The following INSR variants were observed in gnomAD, a reference collection of about 807,000 sequenced individuals.
The protein encoded by INSR is insulin receptor, also known as IR.
In INSR, 67 loss-of-function variants were observed where a neutral mutation model predicts 142.6. That is an observed-to-expected ratio of 0.47 (90% confidence interval 0.39 to 0.58). The LOEUF (loss-of-function observed/expected upper bound fraction) is 0.58. Among genes scored for constraint, INSR ranks in the 20% least tolerant of loss-of-function variants. The pLI is 0.00. For missense variants in INSR, 1,248 were observed against 1,833.2 expected (o/e 0.68, Z 5.83); for synonymous variants, 756 against 743.1 (o/e 1.02, Z -0.28).
chr19:7,215,136 G>A (rs1975394912), intron 2 of INSR, among the ~76,000 whole-genome samples: 1 of 151,766 alleles, frequency 6.6e-6, no homozygotes, highest in African/African-American at 2.4e-5. Flanking sequence ...TTTATTTTTT[G>A]TAGACAAAGG....
Position 7,267,971 on chromosome 19 carries a change from G to T in INSR, c.101-75C>A. 7.7e-7 allele frequency: 1 copy of T among 1,296,976 alleles called. No homozygotes were observed. Among genetic ancestry groups the T allele is most frequent in the Non-Finnish European group, 1.1e-6 (1 of 911,886 alleles). 80.3% of individuals were successfully genotyped at this position (1,296,976 alleles called of 1,614,324 possible). A position where few individuals can be genotyped will look rare whatever the true frequency, so the allele number is the denominator to read the frequency against. On this transcript the variant is annotated intron_variant, in intron 1 of 21. Coordinates refer to ENST00000302850, the MANE Select transcript of INSR (RefSeq NM_000208.4). The surrounding 1 kb of genome is among the most constrained non-coding windows in gnomAD (Gnocchi z 6.3). ...GGATGCATCAGAAGGATCAGGGGCA[G>T]AGCCGGCTTCATGGACAGGAAACCT... is the stretch of plus-strand genomic sequence containing the variant.
intron 2 of INSR, among the ~76,000 whole-genome samples, chr19:7,230,356 G>T (rs952810602): frequency 4.6e-5 from 7 of 152,152 alleles, no homozygotes; most frequent in African/African-American, 1.7e-4. Flanking sequence ...GTAGCAGCTG[G>T]ATCACTTTGA....
intron 16 of INSR, among the ~76,000 whole-genome samples, chr19:7,126,059 G>C (rs1972638190): frequency 6.6e-6 from 1 of 152,082 alleles, no homozygotes; most frequent in Admixed American, 6.6e-5. Context: ...TGTTGCCCTG[G>C]AGCTTGCCCT....
At chr19:7,142,435 C>G (rs1973093983) in intron 12 of INSR, among the ~76,000 whole-genome samples, 1 of 142,808 alleles carries the variant, frequency 7.0e-6, no homozygotes, top group Admixed American at 7.2e-5. Context: ...GTGCTCATGC[C>G]TGTAATCCCA....
In INSR at chr19:7,150,449, C is replaced by T. The variant is rs374840462; in HGVS notation, c.2267+48G>A. On this transcript the variant is annotated intron_variant, in intron 11 of 21. Coordinates refer to ENST00000302850, the MANE Select transcript of INSR (RefSeq NM_000208.4). This position sits in a 1 kb window ranked among gnomAD's most constrained non-coding sequence, Gnocchi z 4.2. ...TCCGAGGCATCTGCCTGGCACGCCG[C>T]CGGCCCTGCGCGGAGCAGGCACCAG... 1.5e-5 allele frequency: 24 copies of T among 1,596,846 alleles called. No individual in the cohort carries two copies. The East Asian group carries it at 4.9e-4, about 33-fold the overall frequency.
At chr19:7,281,312 G>A (rs111702681) in intron 1 of INSR, among the ~76,000 whole-genome samples, 68 of 149,084 alleles carry the variant, frequency 4.6e-4, no homozygotes, top group African/African-American at 1.5e-3. Context: ...ATACATCCTT[G>A]AGAGTAGAAT....
intron 1 of INSR, among the ~76,000 whole-genome samples, chr19:7,292,178 C>T (rs999652552): frequency 1.3e-5 from 2 of 151,816 alleles, no homozygotes; most frequent in African/African-American, 4.8e-5. Context: ...GCAACCTCCT[C>T]CTCCCGGGTT....
At chr19:7,195,603 C>T (rs1339371351) in intron 2 of INSR, among the ~76,000 whole-genome samples, 2 of 151,910 alleles carry the variant, frequency 1.3e-5, no homozygotes, top group African/African-American at 4.8e-5. Context: ...GATCTCACCA[C>T]TGCACTCTAG....
At chr19:7,118,718 A>C (rs1972399491) in intron 21 of INSR, among the ~76,000 whole-genome samples, 1 of 149,100 alleles carries the variant, frequency 6.7e-6, no homozygotes, top group African/African-American at 2.5e-5. Flanking sequence ...GGAGATCGAG[A>C]CCACGGTGAA....
intron 2 of INSR, among the ~76,000 whole-genome samples, chr19:7,190,371 T>G (rs1272031260): frequency 6.1e-3 from 123 of 20,190 alleles, no homozygotes; most frequent in African/African-American, 0.023. Context: ...CTTTGGTGGT[T>G]TTTTTTTTTT....
chr19:7,188,304 G>A (rs1974483191), intron 2 of INSR, among the ~76,000 whole-genome samples: 1 of 152,080 alleles, frequency 6.6e-6, no homozygotes, highest in Non-Finnish European at 1.5e-5. Context: ...CCAGCACTTT[G>A]GGAGGCTGAG....
Position 7,143,078 on chromosome 19 carries a change from T to C in INSR, c.2280A>G (p.Lys760=), listed in dbSNP as rs373695282. The change falls in exon 12 of 22, where the codon AAA becomes AAG. Residue 760 remains lysine (K), a synonymous_variant. Transcript: ENST00000302850. ...TCCCAACATCGCCAAGGGACCTGCG[T>C]TTCCGAGATGGCCTGGAACGACAGT... ...TGAEDPRPSR[K]RRSLGDVGNV... The C allele has an allele frequency of 6.9e-5, 111 of 1,614,170 alleles. No individual in the cohort carries two copies. Among genetic ancestry groups the C allele is most frequent in the Middle Eastern group, 4.9e-4 (3 of 6,062 alleles).
In INSR at chr19:7,278,338, C is replaced by G. The variant is rs60580501; in HGVS notation, c.101-10442G>C. 1.2e-3 allele frequency among the ~76,000 whole-genome samples: 190 copies of G among 152,238 alleles called. 1 individual carries two copies. The highest frequency in any genetic ancestry group is 4.4e-3 in the African/African-American group (181 of 41,548). ...AGATGTACCGAGGACATCTTTGGAACAAACCAAGAAGCCAGCAAGGAGGAA... is the reference window on the plus strand; with the variant it reads ...AGATGTACCGAGGACATCTTTGGAAGAAACCAAGAAGCCAGCAAGGAGGAA... On this transcript the variant is annotated intron_variant, in intron 1 of 21. Transcript: ENST00000302850.
Position 7,125,339 on chromosome 19 carries a change from G to T in INSR, c.3202C>A (p.Arg1068=), listed in dbSNP as rs762687424. 1.2e-6 allele frequency: 2 copies of T among 1,614,022 alleles called. No individual in the cohort carries two copies. Among genetic ancestry groups the T allele is most frequent in the South Asian group, 1.1e-5 (1 of 91,078 alleles). Residue 1068 remains arginine (R), a synonymous_variant, in exon 17 of 22, where the codon CGG becomes AGG. Coordinates refer to ENST00000302850, the MANE Select transcript of INSR (RefSeq NM_000208.4). The surrounding 1 kb of genome is among the most constrained non-coding windows in gnomAD (Gnocchi z 4.9). ...TVNESASLRE[R]IEFLNEASVM... is the part of the protein sequence containing the mutation. ...GAGGCCTCATTGAGGAACTCAATCC[G>T]CTCTCGGAGACTGGCTGACTCGTTG...
At position 7,125,031 on chromosome 19, in the gene INSR, A is replaced by T. The variant is rs771783770; in HGVS notation, c.3258+252T>A. On this transcript the variant is annotated intron_variant, in intron 17 of 21. Coordinates refer to ENST00000302850, the MANE Select transcript of INSR (RefSeq NM_000208.4). This position sits in a 1 kb window ranked among gnomAD's most constrained non-coding sequence, Gnocchi z 4.9. Reference sequence around the variant, plus strand: ...GGAAGATTCCAGAAAGTGATGAAAGATTCTGGAAAGCAATGAAACATTCCA... The same window carrying T: ...GGAAGATTCCAGAAAGTGATGAAAGTTTCTGGAAAGCAATGAAACATTCCA... 1.3e-5 allele frequency among the ~76,000 whole-genome samples: 2 copies of T among 152,132 alleles called. No homozygotes were observed. Among genetic ancestry groups the T allele is most frequent in the Non-Finnish European group, 2.9e-5 (2 of 68,038 alleles).
chr19:7,115,048 T>C lies in INSR; in HGVS notation c.*2008A>G, dbSNP rs1379083568. 6.6e-6 allele frequency: 1 copy of C among 152,202 alleles called. No homozygotes were observed. Among genetic ancestry groups the C allele is most frequent in the Non-Finnish European group, 1.5e-5 (1 of 68,032 alleles). 9.4% of individuals were successfully genotyped at this position (152,202 alleles called of 1,614,324 possible). A position where few individuals can be genotyped will look rare whatever the true frequency, so the allele number is the denominator to read the frequency against. On this transcript the variant is annotated 3_prime_UTR_variant, in exon 22 of 22. Transcript: ENST00000302850. ...TTACATGCTGTATTTTCCCGAATCA[T>C]ATAAATAAGATAGCAATAGACAATT...
Position 7,141,832 on chromosome 19 carries a change from G to A in INSR, c.2543-16C>T. On this transcript the variant is annotated splice_polypyrimidine_tract_variant and intron_variant, in intron 12 of 21. Coordinates refer to ENST00000302850, the MANE Select transcript of INSR (RefSeq NM_000208.4). The stretch of plus-strand genomic sequence containing the variant: ...TCAGCCTTGGCTGTAAGGAGAGGAA[G>A]TGAGAGGCAGGGATGTAACTCTTGG... 1 of 1,608,808 alleles carries A rather than the reference G, an allele frequency of 6.2e-7. No individual in the cohort carries two copies. The highest frequency in any genetic ancestry group is 8.5e-7 in the Non-Finnish European group (1 of 1,175,226).
intron 14 of INSR, 90 bp from the exon 15 acceptor site, chr19:7,129,044 G>A: frequency 1.0e-6 from 1 of 1,002,392 alleles, no homozygotes; most frequent in South Asian, 1.3e-5. Context: ...GGAATGGGTG[G>A]GCCACCCTGT....
intron 1 of INSR, among the ~76,000 whole-genome samples, chr19:7,289,525 C>T (rs936293949): frequency 6.6e-6 from 1 of 151,334 alleles, no homozygotes; most frequent in Admixed American, 6.6e-5. Flanking sequence ...CCTGCCTCAG[C>T]CTCCCAAGTA....
Sources: gnomAD v4.1 joint callset for allele counts (sites outside exome capture counted in the v4.1 genomes callset) on GRCh38, gnomAD v4.1.1 for gene constraint, Gnocchi (gnomAD v3.1) non-coding constraint, MANE v1.5 for transcripts, NCBI Gene and HGNC (gene_info 2026-07-23, HGNC 2026-07-21) for gene names.